NMD3: variants seen among roughly 807,000 people sequenced by gnomAD.
NMD3 encodes the protein NMD3 ribosome export adaptor.
NMD3 carries 47 observed loss-of-function variants against 73.1 expected under a neutral mutation model. That is an observed-to-expected ratio of 0.64 (90% CI 0.51 to 0.82). The LOEUF (loss-of-function observed/expected upper bound fraction) is 0.82, where lower values mean the gene tolerates loss of function less well. Among genes scored for constraint, NMD3 ranks in the 40% least tolerant of loss-of-function variants. The pLI is 0.00. For synonymous variants in NMD3, 210 were observed against 194.5 expected (o/e 1.08, Z -0.66); for missense variants, 554 against 612.5 (o/e 0.90, Z 1.01).
At chr3:161,249,136 T>G (rs1487241320) in intron 13 of NMD3, among the ~76,000 whole-genome samples, 1 of 152,242 alleles carries the variant, frequency 6.6e-6, no homozygotes, top group Non-Finnish European at 1.5e-5. Flanking sequence ...ATGATTTATA[T>G]GAATGGTAGC....
Position 161,246,413 on chromosome 3 carries a change from G to T in NMD3, c.1095G>T (p.Leu365Phe). The stretch of plus-strand genomic sequence containing the variant: ...AACAGTATTTTTGTCGTACTCATTT[G>T]GGACATCTTCTAAATCCCGGAGACC... ...TDKQYFCRTH[L>F]GHLLNPGDLV... is the part of the protein sequence containing the mutation. Residue 365 changes from leucine (L) to phenylalanine (F), a missense_variant, in exon 12 of 16, where the codon TTG becomes TTT. Physicochemically the swap from Leu to Phe is conservative, Grantham distance 22 (BLOSUM62 0). Coordinates refer to ENST00000351193, the MANE Select transcript of NMD3 (RefSeq NM_015938.5). 4 of 1,512,914 alleles carry T rather than the reference G, an allele frequency of 2.6e-6. No homozygotes were observed. The highest frequency in any genetic ancestry group is 3.6e-6 in the Non-Finnish European group (4 of 1,107,594). The allele number at this position is 1,512,914 out of a possible 1,614,324, so 93.7% of individuals were successfully genotyped here.
intron 4 of NMD3, among the ~76,000 whole-genome samples, chr3:161,231,246 A>G (rs1306583067): frequency 6.6e-6 from 1 of 152,212 alleles, no homozygotes; most frequent in Non-Finnish European, 1.5e-5. Flanking sequence ...TTAGCTTGAA[A>G]GATATTTGGT....
rs148554008 is a variant in NMD3 at position 161,223,369 on chromosome 3, C to T, written c.44+1312C>T. On this transcript the variant is annotated intron_variant, in intron 2 of 15. Coordinates refer to ENST00000351193, the MANE Select transcript of NMD3 (RefSeq NM_015938.5). ...TAGGGGTTCTCAGACTTTTTCTGCC[C>T]CCAGTACATCTCGAATTATGATAGT... Among the ~76,000 whole-genome samples, 860 of 152,124 alleles carry T rather than the reference C, an allele frequency of 5.7e-3. 5 individuals are homozygous for T. The highest frequency in any genetic ancestry group is 8.6e-3 in the Non-Finnish European group (584 of 68,010).
At chr3:161,249,291 G>A (rs1407488226) in intron 13 of NMD3, among the ~76,000 whole-genome samples, 163 bp from the exon 14 acceptor site, 2 of 152,196 alleles carry the variant, frequency 1.3e-5, no homozygotes, top group Non-Finnish European at 2.9e-5. Context: ...AATACATGGA[G>A]AAAAATTTTA....
chr3:161,232,664 GCAT>G (rs1553790644), intron 4 of NMD3, among the ~76,000 whole-genome samples: 1 of 151,600 alleles, frequency 6.6e-6, no homozygotes, highest in Non-Finnish European at 1.5e-5. Context: ...TTTTTTTTCT[GCAT>G]CACTTGGACT....
intron 3 of NMD3, among the ~76,000 whole-genome samples, chr3:161,225,912 T>C (rs991840106): frequency 2.0e-5 from 3 of 152,092 alleles, no homozygotes; most frequent in Admixed American, 6.6e-5. Flanking sequence ...AACTGTGTAC[T>C]GTTTCAGGGA....
At chr3:161,250,735 A>G (rs1277433879) in intron 15 of NMD3, 45 bp from the exon 16 acceptor site, 1 of 1,228,074 alleles carries the variant, frequency 8.1e-7, no homozygotes, top group South Asian at 1.3e-5. Context: ...CTTTGTATAC[A>G]TATAAATACT....
intron 3 of NMD3, among the ~76,000 whole-genome samples, chr3:161,226,362 C>T (rs1438261086): frequency 6.6e-6 from 1 of 151,214 alleles, no homozygotes; most frequent in African/African-American, 2.4e-5. Context: ...GCAGGAGAAT[C>T]GCTTGAACCC....
intron 7 of NMD3, among the ~76,000 whole-genome samples, chr3:161,235,574 G>C (rs1241334633): frequency 6.6e-6 from 1 of 152,082 alleles, no homozygotes; most frequent in African/African-American, 2.4e-5. Flanking sequence ...TCTCAGTTAA[G>C]TGAGTGACAT....
chr3:161,225,232 T>C (rs1030602861), intron 3 of NMD3, among the ~76,000 whole-genome samples, 168 bp downstream of exon 3: 10 of 152,214 alleles, frequency 6.6e-5, no homozygotes, highest in African/African-American at 2.4e-4. Flanking sequence ...TTTTATAGTG[T>C]ACTTTTCTAG....
At chr3:161,238,227 G>C in intron 8 of NMD3, 36 bp downstream of exon 8, 1 of 1,315,036 alleles carries the variant, frequency 7.6e-7, no homozygotes, top group South Asian at 1.3e-5. Context: ...TAAATCTAAG[G>C]ACTTGGGAAT....
chr3:161,231,590 G>T (rs190337063), intron 4 of NMD3, among the ~76,000 whole-genome samples: 5 of 152,290 alleles, frequency 3.3e-5, no homozygotes, highest in South Asian at 2.1e-4. Flanking sequence ...AGAGTTGCGG[G>T]TGGTAGAGTC....
intron 8 of NMD3, 136 bp from the exon 9 acceptor site, chr3:161,238,594 T>G: frequency 1.6e-6 from 1 of 620,294 alleles, no homozygotes; most frequent in Non-Finnish European, 2.9e-6. Context: ...GACAGTAGGT[T>G]TTACCAGAGG....
intron 4 of NMD3, among the ~76,000 whole-genome samples, chr3:161,232,905 TGCA>T (rs531987284): frequency 3.7e-4 from 57 of 152,108 alleles, no homozygotes; most frequent in Non-Finnish European, 7.4e-4. Context: ...ATGCAGATGC[TGCA>T]GATTTAGTAG....
intron 11 of NMD3, among the ~76,000 whole-genome samples, chr3:161,244,422 C>A (rs1737110597): frequency 6.6e-6 from 1 of 152,218 alleles, no homozygotes; most frequent in Non-Finnish European, 1.5e-5. Context: ...AGCCACCTCC[C>A]CTGGCCTATG....
In NMD3 at chr3:161,221,960, T is replaced by C. The variant is rs949290293; in HGVS notation, c.-20-34T>C. The C allele has an allele frequency of 6.9e-4, 81 of 117,250 alleles. 1 individual carries two copies. In the South Asian group the frequency reaches 7.0e-3, roughly 10 times the overall value. The allele number at this position is 117,250 out of a possible 1,614,324, so 7.3% of individuals were successfully genotyped here. ...AGTGATTTAAATCCCAACATTCTCT[T>C]TTTTTTTTTTTTTTTTTTTTTTTTT... is the stretch of plus-strand genomic sequence containing the variant. On this transcript the variant is annotated intron_variant, in intron 1 of 15. Transcript: ENST00000351193.
intron 13 of NMD3, among the ~76,000 whole-genome samples, 159 bp from the exon 14 acceptor site, chr3:161,249,295 A>T (rs1488125001): frequency 1.3e-5 from 2 of 152,206 alleles, no homozygotes; most frequent in Non-Finnish European, 2.9e-5. Context: ...CATGGAGAAA[A>T]ATTTTAAAAG....
downstream of NMD3, chr3:161,253,104 C>T: frequency 5.2e-6 from 1 of 191,260 alleles, no homozygotes; most frequent in Non-Finnish European, 1.1e-5. Flanking sequence ...TCCCCCACTC[C>T]CCCAATAAAA....
intron 5 of NMD3, among the ~76,000 whole-genome samples, chr3:161,233,862 G>A (rs1736636231): frequency 6.6e-6 from 1 of 152,106 alleles, no homozygotes; most frequent in African/African-American, 2.4e-5. Context: ...GGGACAAGAA[G>A]TGTTTCAGAT....
Sources: allele counts gnomAD v4.1 joint callset (sites outside exome capture counted in the v4.1 genomes callset), GRCh38; gene constraint gnomAD v4.1.1; transcripts MANE v1.5; gene names NCBI Gene and HGNC (gene_info 2026-07-23, HGNC 2026-07-21).